The following GAB2 variants were observed in gnomAD, a reference collection of about 807,000 sequenced individuals.
GAB2 encodes the protein GRB2-associated-binding protein 2.
Under a neutral mutation model 65.5 loss-of-function variants are expected in GAB2, and 26 were observed. The observed-to-expected ratio is 0.40, with a 90% confidence interval of 0.29 to 0.55. The LOEUF (loss-of-function observed/expected upper bound fraction) is 0.55. Ranked by LOEUF, GAB2 falls within the 20% of genes least tolerant of loss-of-function variation. GAB2 has a pLI of 0.53. For missense variants in GAB2, 884 were observed against 875.8 expected, an observed-to-expected ratio of 1.01 and a Z score of -0.12; for synonymous variants, 321 against 329.6, an observed-to-expected ratio of 0.97 and a Z score of 0.28.
intron 1 of GAB2, among the ~76,000 whole-genome samples, chr11:78,400,292 A>G (rs1856952634): frequency 6.6e-6 from 1 of 152,094 alleles, no homozygotes; most frequent in South Asian, 2.1e-4. Context: ...AAGCCCCTCC[A>G]ACTTCTTCCA....
chr11:78,236,488 A>C (rs1366077405), intron 3 of GAB2, among the ~76,000 whole-genome samples: 2 of 152,154 alleles, frequency 1.3e-5, no homozygotes, highest in African/African-American at 2.4e-5. Flanking sequence ...ACTGATGAGA[A>C]TCTCCAGTAC....
chr11:78,244,162 T>G (rs141501401), intron 3 of GAB2, among the ~76,000 whole-genome samples: 1 of 151,530 alleles, frequency 6.6e-6, no homozygotes, highest in East Asian at 1.9e-4. Flanking sequence ...AGATTCAAGA[T>G]GGGCAGATTC....
chr11:78,281,066 A>C (rs1866321133), intron 1 of GAB2, among the ~76,000 whole-genome samples, 165 bp from the exon 2 acceptor site: 1 of 151,596 alleles, frequency 6.6e-6, no homozygotes, highest in African/African-American at 2.4e-5. Context: ...CGATCCTCCC[A>C]CCTCAGCCTC....
intron 1 of GAB2, among the ~76,000 whole-genome samples, chr11:78,398,021 TACAC>T (rs1554999817): frequency 8.9e-6 from 1 of 112,518 alleles, no homozygotes; most frequent in South Asian, 3.3e-4. Context: ...TGTGAATAGC[TACAC>T]ACACACACAC....
At chr11:78,286,752 T>TCC (rs1395563258) in intron 1 of GAB2, among the ~76,000 whole-genome samples, 1 of 152,212 alleles carries the variant, frequency 6.6e-6, no homozygotes, top group African/African-American at 2.4e-5. Flanking sequence ...GGCACCTTGT[T>TCC]CCCTTCATTC....
intron 5 of GAB2, among the ~76,000 whole-genome samples, chr11:78,224,609 G>A (rs1197962814): frequency 1.3e-5 from 2 of 152,152 alleles, no homozygotes; most frequent in Non-Finnish European, 2.9e-5. Flanking sequence ...TGTCTTTTCA[G>A]TGGGCCTGAA....
intron 1 of GAB2, among the ~76,000 whole-genome samples, chr11:78,297,412 T>G (rs1866862367): frequency 6.6e-6 from 1 of 152,126 alleles, no homozygotes; most frequent in South Asian, 2.1e-4. Flanking sequence ...CCATATTTTT[T>G]GGGGAAAAAA....
At chr11:78,220,261 A>G in intron 9 of GAB2, 58 bp downstream of exon 9, 1 of 1,600,138 alleles carries the variant, frequency 6.2e-7, no homozygotes, top group Non-Finnish European at 8.5e-7. Flanking sequence ...GGCCTCCATG[A>G]TCTCTGCCTC....
chr11:78,360,433 AAAG>A (rs1232039241), intron 1 of GAB2, among the ~76,000 whole-genome samples: 3 of 152,024 alleles, frequency 2.0e-5, no homozygotes, highest in Non-Finnish European at 2.9e-5. Context: ...AGGAAAGAAA[AAAG>A]AAACTAATAC....
intron 1 of GAB2, among the ~76,000 whole-genome samples, chr11:78,379,594 A>G (rs925303128): frequency 1.3e-5 from 2 of 152,238 alleles, no homozygotes; most frequent in African/African-American, 4.8e-5. Context: ...ACAAGCTACT[A>G]TATTTCATTA....
intron 1 of GAB2, among the ~76,000 whole-genome samples, chr11:78,316,888 A>C (rs1443951787): frequency 6.6e-6 from 1 of 152,232 alleles, no homozygotes; most frequent in Non-Finnish European, 1.5e-5. Flanking sequence ...AGCTACCCAC[A>C]TGTCACTGGT....
chr11:78,383,788 T>C (rs372773963), intron 1 of GAB2, among the ~76,000 whole-genome samples: 2 of 151,898 alleles, frequency 1.3e-5, no homozygotes, highest in Admixed American at 6.6e-5. Context: ...ACAGACCTCG[T>C]CCCAGGAGTA....
Position 78,417,725 on chromosome 11 carries a change from C to T in GAB2, c.-5G>A. 7.6e-7 allele frequency: 1 copy of T among 1,315,718 alleles called. No individual in the cohort carries two copies. The highest frequency in any genetic ancestry group is 1.5e-5 in the South Asian group (1 of 64,768). 81.5% of individuals were successfully genotyped at this position (1,315,718 alleles called of 1,614,324 possible). On this transcript the variant is annotated 5_prime_UTR_variant, in exon 1 of 10. Coordinates refer to ENST00000361507, the MANE Select transcript of GAB2 (RefSeq NM_080491.3). ...CACGTCGCCGCCGCCGCTCATGCTG[C>T]CGGCCTGGAGCCCCCCGCCGGGTCG... is the stretch of plus-strand genomic sequence containing the variant.
chr11:78,382,130 C>G (rs185913091), intron 1 of GAB2, among the ~76,000 whole-genome samples: 1 of 152,292 alleles, frequency 6.6e-6, no homozygotes, highest in East Asian at 1.9e-4. Flanking sequence ...AGCCCTGAAG[C>G]CTTCTCTGAA....
chr11:78,380,733 G>C (rs1285993824), intron 1 of GAB2, among the ~76,000 whole-genome samples: 1 of 152,140 alleles, frequency 6.6e-6, no homozygotes, highest in East Asian at 1.9e-4. Context: ...TATGCAGCCT[G>C]AGTCACATGT....
intron 1 of GAB2, among the ~76,000 whole-genome samples, chr11:78,330,032 T>C (rs1341705988): frequency 6.6e-6 from 1 of 152,162 alleles, no homozygotes; most frequent in Non-Finnish European, 1.5e-5. Context: ...GATATAGACG[T>C]TTGATTGTTT....
In GAB2 at chr11:78,401,505, C is replaced by CGTGTGTGTGTGT. The variant is rs34474918; in HGVS notation, c.75+16129_75+16140dup. 1.3e-3 allele frequency among the ~76,000 whole-genome samples: 158 copies of CGTGTGTGTGTGT among 125,002 alleles called. 2 individuals are homozygous for CGTGTGTGTGTGT. The highest frequency in any genetic ancestry group is 5.7e-3 in the East Asian group (24 of 4,222). The allele number at this position is 125,002 out of a possible 152,430, so 82.0% of individuals were successfully genotyped here. On this transcript the variant is annotated intron_variant, in intron 1 of 9. Transcript: ENST00000361507. ...TTCCCTTTTAAGGCTGAACAGTATT[C>CGTGTGTGTGTGT]GTGTGTGTGTGTGTGTGTGTGTGTG...
intron 1 of GAB2, among the ~76,000 whole-genome samples, chr11:78,301,635 T>C (rs1358157759): frequency 6.6e-6 from 1 of 152,210 alleles, no homozygotes; most frequent in Non-Finnish European, 1.5e-5. Context: ...ACCCAGTCTT[T>C]AGTGGTATCT....
chr11:78,398,129 G>A (rs762846318), intron 1 of GAB2, among the ~76,000 whole-genome samples: 3 of 151,982 alleles, frequency 2.0e-5, no homozygotes, highest in African/African-American at 4.8e-5. Flanking sequence ...GATACTATAC[G>A]TAAAACTTAG....
Sources: allele counts gnomAD v4.1 joint callset (sites outside exome capture counted in the v4.1 genomes callset), GRCh38; gene constraint gnomAD v4.1.1; transcripts MANE v1.5; gene names NCBI Gene and HGNC (gene_info 2026-07-23, HGNC 2026-07-21).